The following GPC6 variants were observed in gnomAD, a reference collection of about 807,000 sequenced individuals.
GPC6 encodes glypican 6.
A neutral mutation model predicts 55.2 loss-of-function variants in GPC6; 14 were observed. The ratio of observed to expected loss-of-function variants is 0.25; its 90% CI spans 0.17 to 0.40. The LOEUF (loss-of-function observed/expected upper bound fraction) is 0.40. Ranked by LOEUF, GPC6 falls within the 10% of genes least tolerant of loss-of-function variation. The pLI is 1.00. For synonymous variants in GPC6, 278 were observed against 259.6 expected (o/e 1.07, Z -0.68); for missense variants, 641 against 708.5 (o/e 0.90, Z 1.08).
At chr13:94,069,827 A>G (rs991734427) in intron 4 of GPC6, among the ~76,000 whole-genome samples, 2 of 152,184 alleles carry the variant, frequency 1.3e-5, no homozygotes, top group African/African-American at 4.8e-5. Flanking sequence ...CCATATCATT[A>G]TCAGCATTTT....
At chr13:94,297,089 C>T (rs1482433444) in intron 5 of GPC6, among the ~76,000 whole-genome samples, 2 of 152,042 alleles carry the variant, frequency 1.3e-5, no homozygotes, top group Non-Finnish European at 2.9e-5. Context: ...CCCAGTAAGA[C>T]CTGGGTCCAG....
chr13:93,389,770 T>G (rs564042872), intron 1 of GPC6, among the ~76,000 whole-genome samples: 6 of 152,100 alleles, frequency 3.9e-5, no homozygotes, highest in Non-Finnish European at 8.8e-5. Context: ...TTTATTTATT[T>G]ACATATAAAT....
At chr13:94,149,821 G>A (rs1887677179) in intron 4 of GPC6, among the ~76,000 whole-genome samples, 1 of 151,930 alleles carries the variant, frequency 6.6e-6, no homozygotes, top group Non-Finnish European at 1.5e-5. Flanking sequence ...CTTGTAGTTT[G>A]ACCATGGCAC....
chr13:93,676,127 ATATAT>A (rs1302840003), intron 2 of GPC6, among the ~76,000 whole-genome samples: 732 of 10,270 alleles, frequency 0.071, 6 homozygotes, highest in South Asian at 0.12. Flanking sequence ...AAAAAAAAAA[ATATAT>A]ATATATATAT....
intron 3 of GPC6, among the ~76,000 whole-genome samples, chr13:93,854,455 C>T (rs1311367357): frequency 6.6e-6 from 1 of 151,654 alleles, no homozygotes; most frequent in African/African-American, 2.4e-5. Context: ...TCAAATCACA[C>T]TTGTTTCTTA....
At chr13:94,376,689 G>T (rs1357398054) in intron 6 of GPC6, among the ~76,000 whole-genome samples, 12 of 151,984 alleles carry the variant, frequency 7.9e-5, no homozygotes, top group South Asian at 2.1e-4. Flanking sequence ...CACAGAATTG[G>T]AAAAAACTAC....
intron 1 of GPC6, among the ~76,000 whole-genome samples, chr13:93,475,159 T>TACACACAC (rs35324469): frequency 4.0e-5 from 6 of 149,526 alleles, no homozygotes; most frequent in Non-Finnish European, 8.9e-5. Context: ...AATAAATAAA[T>TACACACAC]ACACACACAC....
At chr13:93,453,969 G>A (rs1878332487) in intron 1 of GPC6, among the ~76,000 whole-genome samples, 1 of 152,150 alleles carries the variant, frequency 6.6e-6, no homozygotes, top group Non-Finnish European at 1.5e-5. Flanking sequence ...GATTGGTAGA[G>A]CGGAGTGGTC....
At chr13:94,206,935 A>G (rs1889921963) in intron 4 of GPC6, among the ~76,000 whole-genome samples, 1 of 152,170 alleles carries the variant, frequency 6.6e-6, no homozygotes, top group South Asian at 2.1e-4. Flanking sequence ...TCCAGAAACC[A>G]TACTTCCAGT....
At chr13:94,288,609 A>G (rs371788680) in intron 5 of GPC6, among the ~76,000 whole-genome samples, 3 of 150,002 alleles carry the variant, frequency 2.0e-5, no homozygotes, top group East Asian at 3.9e-4. Flanking sequence ...CTCCTTGAGT[A>G]TACTTGTAGC....
intron 1 of GPC6, among the ~76,000 whole-genome samples, chr13:93,367,232 TAG>T (rs1881282750): frequency 6.6e-6 from 1 of 152,086 alleles, no homozygotes; most frequent in African/African-American, 2.4e-5. Context: ...TGTTAAATAA[TAG>T]TGTCAATTGT....
At chr13:94,379,927 G>A (rs1220327983) in intron 6 of GPC6, among the ~76,000 whole-genome samples, 4 of 152,142 alleles carry the variant, frequency 2.6e-5, no homozygotes, top group Non-Finnish European at 2.9e-5. Context: ...TCATCAAGAG[G>A]GCATAGCGCA....
intron 3 of GPC6, among the ~76,000 whole-genome samples, chr13:93,925,088 C>T (rs1324927093): frequency 1.3e-5 from 2 of 152,156 alleles, no homozygotes; most frequent in Non-Finnish European, 2.9e-5. Flanking sequence ...TGCTACTGTG[C>T]ATTTTACCTA....
chr13:94,141,618 G>A (rs544469947), intron 4 of GPC6, among the ~76,000 whole-genome samples: 3 of 152,256 alleles, frequency 2.0e-5, no homozygotes. Flanking sequence ...AGAGGGGTCC[G>A]TTCAGTTGGT....
intron 3 of GPC6, among the ~76,000 whole-genome samples, chr13:93,914,391 A>G (rs2140339180): frequency 6.6e-6 from 1 of 152,326 alleles, no homozygotes; most frequent in South Asian, 2.1e-4. Flanking sequence ...TACAAAGGAC[A>G]TTAACTCATC....
intron 2 of GPC6, among the ~76,000 whole-genome samples, chr13:93,578,205 T>C (rs1313010148): frequency 6.6e-6 from 1 of 152,174 alleles, no homozygotes; most frequent in Non-Finnish European, 1.5e-5. Context: ...ATCAGGGTAA[T>C]GCTGGCTTCA....
intron 2 of GPC6, among the ~76,000 whole-genome samples, chr13:93,593,185 T>C (rs548398936): frequency 6.6e-6 from 1 of 152,188 alleles, no homozygotes; most frequent in Non-Finnish European, 1.5e-5. Context: ...TTTTAGTTTA[T>C]GTGTAAATTT....
chr13:94,353,159 C>T (rs1270832357), intron 6 of GPC6, among the ~76,000 whole-genome samples: 1 of 152,110 alleles, frequency 6.6e-6, no homozygotes, highest in Non-Finnish European at 1.5e-5. Flanking sequence ...GAGTTTGCCC[C>T]TGTGGGTCAC....
intron 4 of GPC6, among the ~76,000 whole-genome samples, chr13:94,079,935 C>A (rs1885047625): frequency 6.6e-6 from 1 of 152,148 alleles, no homozygotes; most frequent in African/African-American, 2.4e-5. Context: ...ATGGTTGACA[C>A]ATTTGGTATC....
Sources: allele counts gnomAD v4.1 joint callset (sites outside exome capture counted in the v4.1 genomes callset), GRCh38; gene constraint gnomAD v4.1.1; transcripts MANE v1.5; gene names NCBI Gene and HGNC (gene_info 2026-07-23, HGNC 2026-07-21).